The following CIITA variants were observed in gnomAD, a reference collection of about 807,000 sequenced individuals.
CIITA encodes MHC class II transactivator.
In CIITA, 72 loss-of-function variants were observed where a neutral mutation model predicts 115.1. The ratio of observed to expected loss-of-function variants is 0.63; its 90% confidence interval spans 0.52 to 0.76. CIITA has a LOEUF of 0.76. CIITA is among the 30% of genes least tolerant of loss of function. The pLI is 0.00. For missense variants in CIITA, 1,617 were observed against 1,463.8 expected, an observed-to-expected ratio of 1.10 and a Z score of -1.71; for synonymous variants, 763 against 635.6, an observed-to-expected ratio of 1.20 and a Z score of -3.02.
rs2039231040 is a variant in CIITA at position 10,907,222 on chromosome 16, A to G, written c.1730A>G (p.Tyr577Cys). The G allele has an allele frequency of 1.2e-6, 2 of 1,613,288 alleles. No individual in the cohort carries two copies. Among genetic ancestry groups the G allele is most frequent in the Non-Finnish European group, 1.7e-6 (2 of 1,179,908 alleles). ...TTCTCCATGGAGCAGGCCCAGGCAT[A>G]CGTGATGCGCTACTTTGAGAGCTCA... is the stretch of plus-strand genomic sequence containing the variant. ...SGFSMEQAQAYVMRYFESSGM... is the reference protein window; with the variant it reads ...SGFSMEQAQACVMRYFESSGM... The change falls in exon 11 of 20, where the codon TAC (tyrosine) becomes TGC (cysteine). Residue 577 changes from tyrosine (Y) to cysteine (C), a missense_variant. Coordinates refer to ENST00000324288, the MANE Select transcript of CIITA (RefSeq NM_000246.4). This position sits in a 1 kb window ranked among gnomAD's most constrained non-coding sequence, Gnocchi z 5.0.
intron 18 of CIITA, 142 bp downstream of exon 18, chr16:10,922,632 G>C: frequency 1.2e-6 from 1 of 832,552 alleles, no homozygotes; most frequent in Non-Finnish European, 2.0e-6. Context: ...TCTGGCTTCA[G>C]CTTCTTCATC....
At chr16:10,919,815 C>G (rs12919139) in intron 16 of CIITA, among the ~76,000 whole-genome samples, 52,770 of 152,008 alleles carry the variant, frequency 0.35, 9,740 homozygotes, top group Middle Eastern at 0.45. Context: ...ATGAACTAGA[C>G]AGATGTCGTT....
At position 10,941,983 on chromosome 16, in the gene CIITA, G is replaced by A. The variant is rs748934755; in HGVS notation, n.1109G>A. 1.5e-5 allele frequency: 22 copies of A among 1,492,288 alleles called. No homozygotes were observed. The South Asian group carries it at 2.7e-4, about 18-fold the overall frequency. 92.4% of individuals were successfully genotyped at this position (1,492,288 alleles called of 1,614,324 possible). A position where few individuals can be genotyped will look rare whatever the true frequency, so the allele number is the denominator to read the frequency against. The stretch of plus-strand genomic sequence containing the variant: ...CAGGGGGCCCAGTGCGTCCAGGTGG[G>A]CCGCGACCCGGGCGCCGAGCATGCA... On this transcript the variant is annotated non_coding_transcript_exon_variant, in exon 2 of 2. Coordinates refer to the CIITA transcript ENST00000573379. This position sits in a 1 kb window ranked among gnomAD's most constrained non-coding sequence, Gnocchi z 6.4.
In CIITA at chr16:10,918,486, G is replaced by A. The variant is rs552040932; in HGVS notation, c.3109G>A (p.Glu1037Lys). The A allele has an allele frequency of 1.6e-4, 265 of 1,614,130 alleles. 1 individual carries two copies. Among genetic ancestry groups the A allele is most frequent in the Middle Eastern group, 8.2e-4 (5 of 6,062 alleles). The stretch of plus-strand genomic sequence containing the variant: ...TGACCTGGGTGCCTACAAACTCGCC[G>A]AGGCCCTGCCTTCGCTCGCTGCATC... ...ITDLGAYKLA[E>K]ALPSLAASLL... Residue 1037 changes from glutamate to lysine, a missense_variant, in exon 16 of 20, where the codon GAG (glutamate) becomes AAG (lysine). Physicochemically the swap from Glu to Lys is moderately conservative, Grantham distance 56. Transcript: ENST00000324288.
rs2035912221 is a variant in CIITA, at chr16:10,877,273, G to A, written c.-58G>A. 6.5e-7 allele frequency: 1 copy of A among 1,550,246 alleles called. No individual in the cohort carries two copies. The highest frequency in any genetic ancestry group is 8.8e-7 in the Non-Finnish European group (1 of 1,130,416). On this transcript the variant is annotated 5_prime_UTR_variant, in exon 1 of 20. Transcript: ENST00000324288. ...CGAAGGCATCCTTGGGGAAGCTGAG[G>A]GCACGAGGAGGGGCTGCCAGACTCC... is the stretch of plus-strand genomic sequence containing the variant.
intron 5 of CIITA, among the ~76,000 whole-genome samples, chr16:10,899,995 C>T (rs765284999): frequency 9.9e-5 from 15 of 152,088 alleles, no homozygotes; most frequent in South Asian, 2.1e-4. Context: ...GCAGGAGAAT[C>T]GCTTGAACCC....
chr16:10,922,161 C>T lies in CIITA; in HGVS notation c.3150-6C>T, dbSNP rs192219239. The T allele has an allele frequency of 7.6e-5, 123 of 1,614,118 alleles. 2 individuals carry two copies. The East Asian group carries it at 1.2e-3, about 16-fold the overall frequency. On this transcript the variant is annotated splice_region_variant and splice_polypyrimidine_tract_variant and intron_variant, in intron 16 of 19. Coordinates refer to ENST00000324288, the MANE Select transcript of CIITA (RefSeq NM_000246.4). ...AATCCCTCCCCCTGGCCTCTGTTTCCGACAGCTTGTACAATAACTGCATCT... is the reference window on the plus strand; with the variant it reads ...AATCCCTCCCCCTGGCCTCTGTTTCTGACAGCTTGTACAATAACTGCATCT...
At chr16:10,877,904 C>T (rs764386037) in intron 1 of CIITA, among the ~76,000 whole-genome samples, 13 of 152,064 alleles carry the variant, frequency 8.5e-5, no homozygotes, top group Admixed American at 7.2e-4. Context: ...GGTCAGGGGA[C>T]GGGGGAACAG....
chr16:10,902,865 C>G, intron 8 of CIITA, 64 bp downstream of exon 8: 2 of 1,585,114 alleles, frequency 1.3e-6, no homozygotes, highest in African/African-American at 1.3e-5. Context: ...CTGACCTCAT[C>G]CTCCCCATAC....
At chr16:10,899,801 T>C (rs1267416720) in intron 5 of CIITA, among the ~76,000 whole-genome samples, 1 of 152,164 alleles carries the variant, frequency 6.6e-6, no homozygotes. Flanking sequence ...CAGTGAAGGC[T>C]GGGCGCAGCG....
intron 15 of CIITA, among the ~76,000 whole-genome samples, chr16:10,917,432 C>T (rs929013028): frequency 6.6e-6 from 1 of 151,530 alleles, no homozygotes; most frequent in Non-Finnish European, 1.5e-5. Context: ...CCTCTGCCTC[C>T]CAAAGTACTG....
rs948246339 is a variant in CIITA, at chr16:10,908,452, C to T, written c.2657+303C>T. 3.3e-5 allele frequency: 17 copies of T among 518,994 alleles called. 1 individual carries two copies. Among genetic ancestry groups the T allele is most frequent in the South Asian group, 3.2e-4 (16 of 50,308 alleles). 32.1% of individuals were successfully genotyped at this position (518,994 alleles called of 1,614,324 possible). On this transcript the variant is annotated intron_variant, in intron 11 of 19. Coordinates refer to ENST00000324288, the MANE Select transcript of CIITA (RefSeq NM_000246.4). ...GGGCTCAAATTTGTTTTATTCTTTC[C>T]ACCCCCTGAGCACGCCACCGTTTTC...
chr16:10,900,279 T>C (rs59021505), intron 5 of CIITA, among the ~76,000 whole-genome samples: 19,479 of 152,166 alleles, frequency 0.13, 2,818 homozygotes, highest in East Asian at 0.39. Flanking sequence ...CTATTCTGCA[T>C]TTTGCTTTCT....
intron 9 of CIITA, among the ~76,000 whole-genome samples, chr16:10,904,161 A>T (rs2038976181): frequency 6.6e-6 from 1 of 152,192 alleles, no homozygotes; most frequent in Admixed American, 6.5e-5. Flanking sequence ...ATGTGGTCAG[A>T]TCTTTTGAAG....
chr16:10,870,735 T>C (rs2035426044), intron 1 of CIITA, among the ~76,000 whole-genome samples: 2 of 152,222 alleles, frequency 1.3e-5, no homozygotes, highest in Admixed American at 1.3e-4. Context: ...GGAGCAATGA[T>C]ACGAATCTCC....
intron 14 of CIITA, among the ~76,000 whole-genome samples, chr16:10,916,089 A>G (rs374207823): frequency 2.6e-5 from 4 of 152,230 alleles, no homozygotes; most frequent in South Asian, 4.1e-4. Context: ...AGTGGAGGTT[A>G]AGGAAGTTGC....
intron 1 of CIITA, among the ~76,000 whole-genome samples, chr16:10,893,537 A>C (rs1294384830): frequency 6.6e-6 from 1 of 152,070 alleles, no homozygotes; most frequent in Non-Finnish European, 1.5e-5. Flanking sequence ...TAAAAAGTAC[A>C]GTTCATGCCT....
At chr16:10,904,683 G>A in intron 9 of CIITA, 61 bp from the exon 10 acceptor site, 1 of 1,589,336 alleles carries the variant, frequency 6.3e-7, no homozygotes, top group Non-Finnish European at 8.6e-7. Flanking sequence ...TGGCCCAGAG[G>A]GAGGGGGGTC....
At chr16:10,893,181 G>A (rs779148502) in intron 1 of CIITA, among the ~76,000 whole-genome samples, 4 of 152,136 alleles carry the variant, frequency 2.6e-5, no homozygotes, top group Admixed American at 6.5e-5. Context: ...CAGAGGCAGC[G>A]TGGCCCTGCT....
Sources: allele counts gnomAD v4.1 joint callset (sites outside exome capture counted in the v4.1 genomes callset), GRCh38; gene constraint gnomAD v4.1.1; non-coding constraint Gnocchi (gnomAD v3.1); transcripts MANE v1.5; gene names NCBI Gene and HGNC (gene_info 2026-07-23, HGNC 2026-07-21).